Variants in ATP9B observed in about 807,000 individuals in gnomAD.
The protein encoded by ATP9B is probable phospholipid-transporting ATPase IIB.
Under a neutral mutation model 146.1 loss-of-function variants are expected in ATP9B, and 110 were observed. The ratio of observed to expected loss-of-function variants is 0.75; its 90% CI spans 0.65 to 0.88. ATP9B has a LOEUF of 0.88. Among genes scored for constraint, ATP9B ranks in the 40% least tolerant of loss-of-function variants. ATP9B has a pLI of 0.00. For synonymous variants in ATP9B, 604 were observed against 569.7 expected, an observed-to-expected ratio of 1.06 and a Z score of -0.86; for missense variants, 1,499 against 1,496.4, an observed-to-expected ratio of 1.00 and a Z score of -0.03.
chr18:79,205,204 T>C lies in ATP9B; in HGVS notation c.955-1733T>C, dbSNP rs368326555. On this transcript the variant is annotated intron_variant, in intron 9 of 29. Coordinates refer to ENST00000426216, the MANE Select transcript of ATP9B (RefSeq NM_198531.5). ...AAATTGAATGTAATTGAAAATACTT[T>C]AGTTACTAAATAATTGCCATATTAG... 2.9e-4 allele frequency among the ~76,000 whole-genome samples: 44 copies of C among 152,252 alleles called. 1 individual carries two copies. Among genetic ancestry groups the C allele is most frequent in the African/African-American group, 1.0e-3 (42 of 41,464 alleles).
intron 13 of ATP9B, among the ~76,000 whole-genome samples, chr18:79,278,590 G>A (rs1227494476): frequency 6.6e-6 from 1 of 152,150 alleles, no homozygotes; most frequent in African/African-American, 2.4e-5. Flanking sequence ...TAGAAATTCA[G>A]TATTCTTTGT....
chr18:79,207,863 G>A (rs1250658027), intron 10 of ATP9B, among the ~76,000 whole-genome samples: 2 of 152,166 alleles, frequency 1.3e-5, no homozygotes, highest in African/African-American at 2.4e-5. Context: ...ATGGCTTTGT[G>A]GACAGAGGTT....
chr18:79,295,299 A>T (rs1299658346), intron 13 of ATP9B, among the ~76,000 whole-genome samples: 1 of 152,226 alleles, frequency 6.6e-6, no homozygotes, highest in African/African-American at 2.4e-5. Context: ...TGGTCTAGCA[A>T]AGTGAAATTG....
intron 12 of ATP9B, among the ~76,000 whole-genome samples, chr18:79,275,684 C>T (rs570015959): frequency 3.9e-5 from 6 of 152,372 alleles, no homozygotes; most frequent in South Asian, 4.1e-4. Flanking sequence ...GAGCTGCAGC[C>T]GTCCTGCACC....
intron 15 of ATP9B, among the ~76,000 whole-genome samples, chr18:79,328,831 G>A (rs559942901): frequency 2.6e-5 from 4 of 152,226 alleles, no homozygotes; most frequent in Non-Finnish European, 5.9e-5. Flanking sequence ...GGTGAGCTGC[G>A]TTCTCAATTT....
chr18:79,079,237 A>G (rs770175820), intron 1 of ATP9B, among the ~76,000 whole-genome samples: 23 of 152,218 alleles, frequency 1.5e-4, no homozygotes, highest in Non-Finnish European at 2.9e-4. Context: ...GAATTGCTAC[A>G]CTGTCTTCCA....
intron 5 of ATP9B, among the ~76,000 whole-genome samples, chr18:79,135,246 G>GAA (rs1241482172): frequency 6.6e-6 from 1 of 152,144 alleles, no homozygotes; most frequent in African/African-American, 2.4e-5. Flanking sequence ...TACTTAACAT[G>GAA]AAAAGCCCCA....
intron 6 of ATP9B, chr18:79,144,624 A>G (rs1391952738): frequency 6.6e-6 from 1 of 152,288 alleles, no homozygotes; most frequent in African/African-American, 2.4e-5. Flanking sequence ...CATTCTTGAA[A>G]GGCCCGGGGT....
intron 4 of ATP9B, chr18:79,114,961 T>A (rs1157615580): frequency 5.7e-6 from 1 of 175,640 alleles, no homozygotes; most frequent in Non-Finnish European, 1.3e-5. Flanking sequence ...TATTTCCTTC[T>A]CCTGCCTGAT....
intron 27 of ATP9B, 112 bp from the exon 28 acceptor site, chr18:79,373,786 G>A (rs1166488803): frequency 3.6e-6 from 4 of 1,104,982 alleles, no homozygotes; most frequent in Admixed American, 1.9e-5. Context: ...GCTGCGCCTG[G>A]CCTATCCCCT....
At chr18:79,079,946 C>T (rs1487134444) in intron 1 of ATP9B, among the ~76,000 whole-genome samples, 3 of 152,162 alleles carry the variant, frequency 2.0e-5, no homozygotes, top group African/African-American at 7.2e-5. Flanking sequence ...TGTTAAAGAT[C>T]AGATGGTTTT....
At chr18:79,256,286 T>TATATACACACAC (rs398033647) in intron 12 of ATP9B, among the ~76,000 whole-genome samples, 7 of 123,056 alleles carry the variant, frequency 5.7e-5, no homozygotes, top group African/African-American at 2.3e-4. Flanking sequence ...TATATATATA[T>TATATACACACAC]ACATACATAG....
At chr18:79,147,391 A>T (rs2094609047) in intron 6 of ATP9B, among the ~76,000 whole-genome samples, 1 of 152,230 alleles carries the variant, frequency 6.6e-6, no homozygotes, top group African/African-American at 2.4e-5. Context: ...GAGAGAACAC[A>T]TTTATTTCAA....
Position 79,110,360 on chromosome 18 carries a change from G to T in ATP9B, c.299G>T (p.Cys100Phe). 2.5e-6 allele frequency: 4 copies of T among 1,599,334 alleles called. No individual in the cohort carries two copies. Among genetic ancestry groups the T allele is most frequent in the South Asian group, 1.1e-5 (1 of 88,706 alleles). Residue 100 changes from cysteine to phenylalanine, a missense_variant, in exon 3 of 30, where the codon TGT becomes TTT. Cys to Phe is a radical substitution (Grantham distance 205). Transcript: ENST00000426216. ...DGWKFLCTSC[C>F]GWLINICRRK... ...GTATCTTTTGTTTCATACAGTTGCT[G>T]TGGTTGGCTGATAAATATTTGTCGA...
chr18:79,135,814 CT>C (rs1424432764), intron 5 of ATP9B, among the ~76,000 whole-genome samples: 1 of 152,094 alleles, frequency 6.6e-6, no homozygotes, highest in African/African-American at 2.4e-5. Context: ...CATTTTGAGT[CT>C]ATTTTTGTCT....
chr18:79,324,692 A>G (rs115310431), intron 15 of ATP9B, among the ~76,000 whole-genome samples: 1,369 of 119,662 alleles, frequency 0.011, 8 homozygotes, highest in African/African-American at 0.03. Flanking sequence ...TAATAAGAGT[A>G]AAGGCTCTTT....
At chr18:79,071,884 GTTTTGTTTTT>G (rs2071875905) in intron 1 of ATP9B, among the ~76,000 whole-genome samples, 1 of 79,872 alleles carries the variant, frequency 1.3e-5, no homozygotes, top group South Asian at 5.6e-4. Context: ...TTCATGTTTG[GTTTTGTTTTT>G]TTTTTTTTTT....
chr18:79,358,973 G>A (rs1305854696), intron 25 of ATP9B, among the ~76,000 whole-genome samples: 3 of 151,982 alleles, frequency 2.0e-5, no homozygotes, highest in Non-Finnish European at 2.9e-5. Flanking sequence ...GGAGGTGTCC[G>A]TGTGGATGCT....
At chr18:79,332,205 A>C (rs3859313) in intron 17 of ATP9B, among the ~76,000 whole-genome samples, 1 of 152,168 alleles carries the variant, frequency 6.6e-6, no homozygotes, top group Non-Finnish European at 1.5e-5. Flanking sequence ...CAAGGCGGGC[A>C]GATCACGAGG....
Sources: allele counts gnomAD v4.1 joint callset (sites outside exome capture counted in the v4.1 genomes callset), GRCh38; gene constraint gnomAD v4.1.1; transcripts MANE v1.5; gene names NCBI Gene and HGNC (gene_info 2026-07-23, HGNC 2026-07-21).